The following MFSD8 variants were observed in gnomAD, a reference collection of about 807,000 sequenced individuals.
MFSD8 encodes the protein major facilitator superfamily domain containing 8.
In MFSD8, 55 loss-of-function variants were observed where a neutral mutation model predicts 66.4. That is an observed-to-expected ratio of 0.83 (90% confidence interval 0.67 to 1.04). MFSD8 has a LOEUF of 1.04. Among genes scored for constraint, MFSD8 ranks in the 50% least tolerant of loss-of-function variants. The pLI, the probability that MFSD8 is intolerant of heterozygous loss-of-function variation, is 0.00. For synonymous variants in MFSD8, 202 were observed against 212.8 expected (o/e 0.95, Z 0.44); for missense variants, 550 against 627.6 (o/e 0.88, Z 1.32).
intron 1 of MFSD8, 143 bp from the exon 2 acceptor site, chr4:127,957,735 T>C: frequency 3.2e-6 from 2 of 627,256 alleles, no homozygotes; most frequent in South Asian, 4.1e-5. Flanking sequence ...CTAATTTATC[T>C]ATGAATAAGC....
At chr4:127,939,575 A>C (rs984010457) in intron 6 of MFSD8, 19 of 235,094 alleles carry the variant, frequency 8.1e-5, no homozygotes, top group Non-Finnish European at 1.5e-5. Context: ...ACTGCCCTCC[A>C]GTCTGAGCAA....
intron 5 of MFSD8, among the ~76,000 whole-genome samples, chr4:127,941,429 G>C (rs148463559): frequency 6.6e-6 from 1 of 152,238 alleles, no homozygotes; most frequent in Admixed American, 6.5e-5. Context: ...TCTTTACTCA[G>C]CAGAAAATTA....
chr4:127,949,757 T>A, intron 3 of MFSD8, 47 bp downstream of exon 3: 1 of 1,509,134 alleles, frequency 6.6e-7, no homozygotes, highest in Non-Finnish European at 9.2e-7. Context: ...ACGTAAGAGT[T>A]ACTACTACTG....
intron 3 of MFSD8, among the ~76,000 whole-genome samples, chr4:127,944,584 T>G (rs903531817): frequency 6.6e-6 from 1 of 152,194 alleles, no homozygotes; most frequent in Non-Finnish European, 1.5e-5. Flanking sequence ...GAGAACCAAA[T>G]GACTACAACT....
chr4:127,920,627 AG>A lies in MFSD8; in HGVS notation c.*2del. Reference sequence around the variant, plus strand: ...AGTAGTTTCCATCACAGTCTTAGCTAGTTTATTCCTGAATCCTCCCATATCT... The same window carrying A: ...AGTAGTTTCCATCACAGTCTTAGCTATTTATTCCTGAATCCTCCCATATCT... On this transcript the variant is annotated 3_prime_UTR_variant, in exon 12 of 12. Coordinates refer to ENST00000641686, the MANE Select transcript of MFSD8 (RefSeq NM_001371596.2). 7.4e-6 allele frequency: 12 copies of A among 1,613,832 alleles called. No homozygotes were observed. The highest frequency in any genetic ancestry group is 1.0e-5 in the Non-Finnish European group (12 of 1,179,910).
chr4:127,944,212 C>T (rs1378275836), intron 3 of MFSD8, among the ~76,000 whole-genome samples: 1 of 152,042 alleles, frequency 6.6e-6, no homozygotes, highest in Non-Finnish European at 1.5e-5. Flanking sequence ...GCTTGGGAGG[C>T]TCATTTTTAA....
intron 5 of MFSD8, among the ~76,000 whole-genome samples, chr4:127,941,202 T>C (rs1204033065): frequency 1.3e-5 from 2 of 152,120 alleles, no homozygotes; most frequent in African/African-American, 4.8e-5. Context: ...ACTGAAATAG[T>C]AGATTTTGGT....
intron 4 of MFSD8, 109 bp downstream of exon 4, chr4:127,943,643 T>C: frequency 7.5e-7 from 1 of 1,336,802 alleles, no homozygotes; most frequent in Middle Eastern, 1.8e-4. Flanking sequence ...ACATGTATGT[T>C]GAACTGTGAA....
intron 9 of MFSD8, among the ~76,000 whole-genome samples, chr4:127,926,854 T>C (rs1383037072): frequency 6.6e-6 from 1 of 152,182 alleles, no homozygotes; most frequent in African/African-American, 2.4e-5. Context: ...TGATACTCAT[T>C]CAGTAGAAAC....
intron 9 of MFSD8, among the ~76,000 whole-genome samples, chr4:127,927,183 T>G (rs538812686): frequency 1.4e-4 from 22 of 152,210 alleles, no homozygotes; most frequent in South Asian, 2.1e-4. Flanking sequence ...TGTTTTTTTT[T>G]TTTTGTTTTT....
At chr4:127,949,035 G>A (rs1311427842) in intron 3 of MFSD8, among the ~76,000 whole-genome samples, 1 of 152,158 alleles carries the variant, frequency 6.6e-6, no homozygotes, top group Non-Finnish European at 1.5e-5. Flanking sequence ...CCTAAAATAA[G>A]GACTGAAAAG....
chr4:127,931,120 C>T (rs560453236), intron 8 of MFSD8, among the ~76,000 whole-genome samples: 2 of 152,000 alleles, frequency 1.3e-5, no homozygotes, highest in South Asian at 4.2e-4. Flanking sequence ...AATCATAATG[C>T]CTATCATTCT....
chr4:127,932,753 G>C (rs1738370137), intron 8 of MFSD8: 1 of 395,954 alleles, frequency 2.5e-6, no homozygotes, highest in Non-Finnish European at 4.6e-6. Context: ...GGAAAGAGTA[G>C]TGAAACAGAT....
At chr4:127,922,252 A>C (rs1396792306) in intron 9 of MFSD8, among the ~76,000 whole-genome samples, 2 of 152,166 alleles carry the variant, frequency 1.3e-5, no homozygotes, top group Admixed American at 1.3e-4. Context: ...AGCCAATTTG[A>C]AGAAGCTGGC....
intron 3 of MFSD8, among the ~76,000 whole-genome samples, chr4:127,949,441 T>C (rs1356690682): frequency 6.6e-6 from 1 of 152,212 alleles, no homozygotes; most frequent in Non-Finnish European, 1.5e-5. Flanking sequence ...TCCACAAAAA[T>C]ATCATTTACA....
chr4:127,921,746 A>T lies in MFSD8; in HGVS notation c.1128T>A (p.Asn376Lys), dbSNP rs1287068836. ...CAATAATAATTTCCCCAAATGTGGTATTAGGGATTGAATTATTGTGCAAAT... is the reference window on the plus strand; with the variant it reads ...CAATAATAATTTCCCCAAATGTGGTTTTAGGGATTGAATTATTGTGCAAAT... ...WEDLHNNSIP[N>K]TTFGEIIIGL... The change falls in exon 11 of 12, where the codon AAT becomes AAA. Residue 376 changes from asparagine to lysine, a missense_variant. Transcript: ENST00000641686. 1.9e-6 allele frequency: 3 copies of T among 1,614,172 alleles called. No individual in the cohort carries two copies. The highest frequency in any genetic ancestry group is 2.5e-6 in the Non-Finnish European group (3 of 1,180,030).
chr4:127,928,154 C>T (rs986326555), intron 9 of MFSD8, among the ~76,000 whole-genome samples: 3 of 152,272 alleles, frequency 2.0e-5, no homozygotes, highest in Middle Eastern at 3.4e-3. Flanking sequence ...CAGGTTGAAG[C>T]GATTCTCTTG....
At chr4:127,964,996 T>C in intron 1 of MFSD8, 76 bp downstream of exon 1, 25 of 1,546,982 alleles carry the variant, frequency 1.6e-5, no homozygotes, top group Non-Finnish European at 2.2e-5. Context: ...TTTGTCCCAG[T>C]GCGGGTGACG....
At chr4:127,952,528 A>T (rs940090336) in intron 2 of MFSD8, among the ~76,000 whole-genome samples, 1 of 152,134 alleles carries the variant, frequency 6.6e-6, no homozygotes, top group Admixed American at 6.5e-5. Flanking sequence ...CAAGGCTACA[A>T]TTTTGGAGTA....
Sources: gnomAD v4.1 joint callset for allele counts (sites outside exome capture counted in the v4.1 genomes callset) on GRCh38, gnomAD v4.1.1 for gene constraint, MANE v1.5 for transcripts, NCBI Gene and HGNC (gene_info 2026-07-23, HGNC 2026-07-21) for gene names.